The following TYW1 variants were observed in gnomAD, a reference collection of about 807,000 sequenced individuals.
TYW1 encodes tRNA-yW synthesizing protein 1 homolog, also known as S-adenosyl-L-methionine-dependent tRNA 4-demethylwyosine synthase TYW1.
TYW1 carries 46 observed loss-of-function variants against 96.2 expected under a neutral mutation model. The observed-to-expected ratio is 0.48, with a 90% CI of 0.38 to 0.61. The LOEUF (loss-of-function observed/expected upper bound fraction) is 0.61. Among genes scored for constraint, TYW1 ranks in the 20% least tolerant of loss-of-function variants. TYW1 has a pLI of 0.00. For synonymous variants in TYW1, 274 were observed against 323.0 expected (o/e 0.85, Z 1.63); for missense variants, 684 against 909.6 (o/e 0.75, Z 3.19).
At chr7:67,237,737 C>G (rs1199532167) in intron 15 of TYW1, among the ~76,000 whole-genome samples, 1 of 151,964 alleles carries the variant, frequency 6.6e-6, no homozygotes, top group Non-Finnish European at 1.5e-5. Flanking sequence ...TAAGAGAGTA[C>G]AAATTGGATT....
At chr7:67,004,085 G>C (rs372309493) in intron 3 of TYW1, among the ~76,000 whole-genome samples, 1 of 152,154 alleles carries the variant, frequency 6.6e-6, no homozygotes, top group East Asian at 1.9e-4. Context: ...CAATCTAAGT[G>C]TGCGAATTCT....
At chr7:67,070,285 TG>T (rs1795993566) in intron 10 of TYW1, among the ~76,000 whole-genome samples, 1 of 152,224 alleles carries the variant, frequency 6.6e-6, no homozygotes, top group Admixed American at 6.5e-5. Context: ...CTACCAAATT[TG>T]GGAATTTTTC....
chr7:67,086,849 T>C (rs1796563536), intron 11 of TYW1, among the ~76,000 whole-genome samples: 1 of 152,152 alleles, frequency 6.6e-6, no homozygotes, highest in Admixed American at 6.6e-5. Context: ...ACACATAAAA[T>C]TAACCATCAC....
At chr7:67,113,831 G>T (rs1006116037) in intron 12 of TYW1, among the ~76,000 whole-genome samples, 8 of 151,836 alleles carry the variant, frequency 5.3e-5, no homozygotes, top group Non-Finnish European at 1.0e-4. Flanking sequence ...TAGAGATGGG[G>T]TTTCACCATG....
At chr7:67,231,382 C>A (rs1801744827) in intron 15 of TYW1, among the ~76,000 whole-genome samples, 1 of 152,126 alleles carries the variant, frequency 6.6e-6, no homozygotes, top group Non-Finnish European at 1.5e-5. Context: ...CTGGGATCAC[C>A]AGCTCTGTCT....
At chr7:67,027,504 T>C (rs181749117) in intron 7 of TYW1, among the ~76,000 whole-genome samples, 10 of 152,240 alleles carry the variant, frequency 6.6e-5, no homozygotes, top group South Asian at 6.2e-4. Context: ...TAAAAAAATA[T>C]TAAATTTATG....
intron 7 of TYW1, among the ~76,000 whole-genome samples, chr7:67,041,270 GCTTTTCTTTTT>G (rs1168008872): frequency 4.0e-5 from 6 of 151,896 alleles, no homozygotes; most frequent in Admixed American, 2.6e-4. Context: ...TTACTGCTTG[GCTTTTCTTTTT>G]CTTTTCTTTT....
At chr7:67,018,408 G>C (rs1312270961) in intron 6 of TYW1, among the ~76,000 whole-genome samples, 1 of 151,842 alleles carries the variant, frequency 6.6e-6, no homozygotes, top group African/African-American at 2.4e-5. Flanking sequence ...AGGCATGGTG[G>C]TGCATGCCTG....
chr7:67,118,026 A>G (rs996971934), intron 13 of TYW1, among the ~76,000 whole-genome samples: 9 of 152,170 alleles, frequency 5.9e-5, no homozygotes, highest in Non-Finnish European at 1.0e-4. Context: ...TCAAGTTTAT[A>G]TAAAATCGCA....
At chr7:67,070,872 C>T (rs1037805716) in intron 10 of TYW1, among the ~76,000 whole-genome samples, 1 of 152,004 alleles carries the variant, frequency 6.6e-6, no homozygotes, top group Non-Finnish European at 1.5e-5. Flanking sequence ...TGGCTCATGC[C>T]TGTAATTCCA....
At position 67,025,819 on chromosome 7, in the gene TYW1, A is replaced by G. The variant is rs1794434389; in HGVS notation, c.984+797A>G. ...GCCTCAATTTAACTGTGAGTTTTGG[A>G]AAATGAGAATCCCCCAAATTAAAAT... is the stretch of plus-strand genomic sequence containing the variant. On this transcript the variant is annotated intron_variant, in intron 7 of 15. Transcript: ENST00000359626. Among the ~76,000 whole-genome samples the G allele has an allele frequency of 5.3e-5, 8 of 152,284 alleles. No individual in the cohort carries two copies. In the South Asian group the frequency reaches 1.7e-3, roughly 32 times the overall value.
chr7:67,036,723 A>G (rs1469145650), intron 7 of TYW1, among the ~76,000 whole-genome samples: 2 of 152,226 alleles, frequency 1.3e-5, no homozygotes, highest in African/African-American at 2.4e-5. Context: ...TAGGATTTCA[A>G]TTTGAGATGG....
chr7:67,234,351 A>T (rs1418256727), intron 15 of TYW1, among the ~76,000 whole-genome samples: 2 of 148,902 alleles, frequency 1.3e-5, no homozygotes, highest in Non-Finnish European at 1.5e-5. Context: ...TATCTCTTAA[A>T]AAAAAAAAAA....
chr7:67,050,999 C>G (rs1179192661), intron 8 of TYW1, among the ~76,000 whole-genome samples: 1 of 151,648 alleles, frequency 6.6e-6, no homozygotes, highest in Non-Finnish European at 1.5e-5. Context: ...TCAAGTGATT[C>G]TCCTGCTTTA....
chr7:67,165,860 G>C (rs1799306082), intron 13 of TYW1, among the ~76,000 whole-genome samples: 1 of 152,160 alleles, frequency 6.6e-6, no homozygotes, highest in African/African-American at 2.4e-5. Context: ...AGCCAGGGAG[G>C]TGAAGGCTGC....
chr7:67,033,904 A>T (rs1376471397), intron 7 of TYW1, among the ~76,000 whole-genome samples: 1 of 151,712 alleles, frequency 6.6e-6, no homozygotes, highest in Non-Finnish European at 1.5e-5. Context: ...CATCTTGGCC[A>T]GGCTGGTCTT....
intron 10 of TYW1, among the ~76,000 whole-genome samples, chr7:67,080,885 A>G (rs1023171267): frequency 1.0e-4 from 14 of 135,104 alleles, no homozygotes; most frequent in African/African-American, 4.0e-4. Context: ...AAGGTTATTC[A>G]TGGTAGATGA....
intron 15 of TYW1, among the ~76,000 whole-genome samples, chr7:67,225,190 CAAAAAAA>C (rs10600752): frequency 5.1e-5 from 4 of 78,074 alleles, no homozygotes; most frequent in Non-Finnish European, 1.1e-4. Flanking sequence ...GACTCCGTCT[CAAAAAAA>C]AAAAAAAAAA....
chr7:67,060,481 A>G lies in TYW1; in HGVS notation c.1155+4594A>G, dbSNP rs574772282. 5.9e-5 allele frequency among the ~76,000 whole-genome samples: 9 copies of G among 152,376 alleles called. No homozygotes were observed. In the East Asian group the frequency reaches 9.6e-4, roughly 16 times the overall value. Reference sequence around the variant, plus strand: ...TCTAGGCTTAAAGAAAACAAATTGAATAAGTTAAATCACCATAGGGAATTA... The same window carrying G: ...TCTAGGCTTAAAGAAAACAAATTGAGTAAGTTAAATCACCATAGGGAATTA... On this transcript the variant is annotated intron_variant, in intron 9 of 15. Transcript: ENST00000359626.
Sources: allele counts gnomAD v4.1 joint callset (sites outside exome capture counted in the v4.1 genomes callset), GRCh38; gene constraint gnomAD v4.1.1; transcripts MANE v1.5; gene names NCBI Gene and HGNC (gene_info 2026-07-23, HGNC 2026-07-21).